Variants in PRKN observed in about 807,000 individuals in gnomAD.
PRKN encodes E3 ubiquitin-protein ligase parkin.
A neutral mutation model predicts 59.5 loss-of-function variants in PRKN; 56 were observed. The observed-to-expected ratio is 0.94, with a 90% CI of 0.76 to 1.18. The LOEUF (loss-of-function observed/expected upper bound fraction) is 1.18. Ranked by LOEUF, PRKN falls within the 50% of genes most tolerant of loss-of-function variation. The pLI is 0.00. For synonymous variants in PRKN, 250 were observed against 222.1 expected, an observed-to-expected ratio of 1.13 and a Z score of -1.12; for missense variants, 657 against 596.4, an observed-to-expected ratio of 1.10 and a Z score of -1.06.
At position 161,361,673 on chromosome 6, in the gene PRKN, C is replaced by T. The variant is rs1784980670; in HGVS notation, c.1168-1468G>A. 6.6e-6 allele frequency among the ~76,000 whole-genome samples: 1 copy of T among 152,206 alleles called. No individual in the cohort carries two copies. Among genetic ancestry groups the T allele is most frequent in the Admixed American group, 6.5e-5 (1 of 15,278 alleles). ...TCACTGGGTGAAGCCAATTTCGTTT[C>T]TGTTAATGAGCCATCATGGGCACAA... is the stretch of plus-strand genomic sequence containing the variant. On this transcript the variant is annotated intron_variant, in intron 10 of 11. Coordinates refer to ENST00000366898, the MANE Select transcript of PRKN (RefSeq NM_004562.3). This position sits in a 1 kb window ranked among gnomAD's most constrained non-coding sequence, Gnocchi z 5.2.
At chr6:162,441,544 CTTATA>C (rs1562767205) in intron 2 of PRKN, among the ~76,000 whole-genome samples, 2 of 152,138 alleles carry the variant, frequency 1.3e-5, no homozygotes, top group African/African-American at 2.4e-5. Flanking sequence ...GTTTCATATT[CTTATA>C]TTATAGCTAT....
chr6:162,354,411 G>A (rs567460609), intron 2 of PRKN, among the ~76,000 whole-genome samples: 7 of 152,110 alleles, frequency 4.6e-5, no homozygotes, highest in African/African-American at 1.4e-4. Flanking sequence ...GTACTTATCA[G>A]GAACAATGGG....
At chr6:161,426,818 A>C (rs925045626) in intron 9 of PRKN, among the ~76,000 whole-genome samples, 3 of 151,988 alleles carry the variant, frequency 2.0e-5, no homozygotes, top group Admixed American at 6.6e-5. Flanking sequence ...TCCCAGGTTC[A>C]TGCCATTCTC....
Position 162,356,000 on chromosome 6 carries a change from T to TC in PRKN, c.171+87309_171+87310insG, listed in dbSNP as rs541869438. On this transcript the variant is annotated intron_variant, in intron 2 of 11. Coordinates refer to ENST00000366898, the MANE Select transcript of PRKN (RefSeq NM_004562.3). ...TCTATAGGTTGATACAGGGAGTACT[T>TC]ATACAGGAGTCTTGTTGGTCCTCCA... is the stretch of plus-strand genomic sequence containing the variant. 2.8e-4 allele frequency among the ~76,000 whole-genome samples: 43 copies of TC among 152,276 alleles called. No individual in the cohort carries two copies. The South Asian group carries it at 8.5e-3, about 30-fold the overall frequency.
intron 1 of PRKN, among the ~76,000 whole-genome samples, chr6:162,652,604 T>C (rs1054836139): frequency 2.0e-5 from 3 of 152,088 alleles, no homozygotes; most frequent in African/African-American, 7.2e-5. Context: ...ATATTTTAGA[T>C]TGCTTATTAT....
chr6:162,081,392 A>C (rs933162273), intron 4 of PRKN, among the ~76,000 whole-genome samples: 2 of 152,130 alleles, frequency 1.3e-5, no homozygotes, highest in Non-Finnish European at 2.9e-5. Flanking sequence ...CATGGACTGC[A>C]GAATTTAGGT....
chr6:161,679,899 C>T (rs529333593), intron 7 of PRKN, among the ~76,000 whole-genome samples: 3 of 151,860 alleles, frequency 2.0e-5, no homozygotes, highest in East Asian at 2.0e-4. Flanking sequence ...GGACTACAGG[C>T]GCCTGCCACC....
At chr6:162,260,219 C>T (rs1779829345) in intron 3 of PRKN, among the ~76,000 whole-genome samples, 1 of 152,060 alleles carries the variant, frequency 6.6e-6, no homozygotes, top group African/African-American at 2.4e-5. Context: ...ACAAGGCTGG[C>T]AGGCCACAAG....
chr6:162,516,376 A>G (rs974340667), intron 1 of PRKN, among the ~76,000 whole-genome samples: 1 of 152,124 alleles, frequency 6.6e-6, no homozygotes. Context: ...AGTCCCACCC[A>G]CTTCCACTGG....
chr6:161,633,830 ATGCAGG>A (rs1783405982), intron 7 of PRKN, among the ~76,000 whole-genome samples: 1 of 152,126 alleles, frequency 6.6e-6, no homozygotes, highest in Non-Finnish European at 1.5e-5. Context: ...AGGGGACAAG[ATGCAGG>A]TGCCAGGCAG....
intron 5 of PRKN, among the ~76,000 whole-genome samples, chr6:162,025,621 C>G (rs1264230594): frequency 9.4e-6 from 1 of 106,884 alleles, no homozygotes; most frequent in African/African-American, 3.8e-5. Flanking sequence ...GACGGAGTCA[C>G]TCTGTTGCCC....
intron 4 of PRKN, among the ~76,000 whole-genome samples, chr6:162,145,010 T>C (rs970547286): frequency 6.6e-6 from 1 of 152,214 alleles, no homozygotes; most frequent in Non-Finnish European, 1.5e-5. Context: ...TGGTCATTTC[T>C]TTTTAATCAC....
Position 161,488,606 on chromosome 6 carries a change from C to G in PRKN, c.1083+60248G>C, listed in dbSNP as rs141813845. ...GCTCAAGTGATCTTCCTGCCTCAGC[C>G]TCCTGAGTAGGTGGGACTAAAGGCA... On this transcript the variant is annotated intron_variant, in intron 9 of 11. Coordinates refer to ENST00000366898, the MANE Select transcript of PRKN (RefSeq NM_004562.3). The surrounding 1 kb of genome is among the most constrained non-coding windows in gnomAD (Gnocchi z 4.5). Among the ~76,000 whole-genome samples the G allele has an allele frequency of 6.5e-3, 987 of 152,186 alleles. 11 individuals carry two copies. Among genetic ancestry groups the G allele is most frequent in the African/African-American group, 0.023 (955 of 41,514 alleles).
chr6:162,658,798 C>T (rs1164131934), intron 1 of PRKN, among the ~76,000 whole-genome samples: 2 of 151,382 alleles, frequency 1.3e-5, no homozygotes, highest in African/African-American at 4.9e-5. Context: ...CTTACAATGC[C>T]AATATCATAT....
At chr6:162,505,063 CA>C (rs1167283963) in intron 1 of PRKN, among the ~76,000 whole-genome samples, 1 of 152,124 alleles carries the variant, frequency 6.6e-6, no homozygotes, top group Non-Finnish European at 1.5e-5. Context: ...AAATGCAGAG[CA>C]ATGAGCACTT....
At chr6:162,059,752 T>G (rs957930042) in intron 4 of PRKN, among the ~76,000 whole-genome samples, 1 of 152,174 alleles carries the variant, frequency 6.6e-6, no homozygotes, top group East Asian at 1.9e-4. Context: ...GTTCTCTTTT[T>G]TTTTGCCTAG....
At chr6:162,689,870 T>C (rs988768314) in intron 1 of PRKN, among the ~76,000 whole-genome samples, 1 of 152,104 alleles carries the variant, frequency 6.6e-6, no homozygotes, top group African/African-American at 2.4e-5. Flanking sequence ...TAAAGAAACT[T>C]CAAAAACAAA....
In PRKN at chr6:162,595,471, G is replaced by A. The variant is rs1272332130; in HGVS notation, c.7+132191C>T. On this transcript the variant is annotated intron_variant, in intron 1 of 11. Coordinates refer to ENST00000366898, the MANE Select transcript of PRKN (RefSeq NM_004562.3). The stretch of plus-strand genomic sequence containing the variant: ...GGTTTTCTCCATGTTGGCCAAGCTG[G>A]TCTTGAACCCTTGACCTCAGGTGAT... 2.6e-5 allele frequency among the ~76,000 whole-genome samples: 4 copies of A among 151,914 alleles called. 1 individual carries two copies. Among genetic ancestry groups the A allele is most frequent in the African/African-American group, 7.2e-5 (3 of 41,382 alleles).
At chr6:161,515,592 G>A (rs551770) in intron 9 of PRKN, among the ~76,000 whole-genome samples, 98,939 of 152,068 alleles carry the variant, frequency 0.65, 32,172 homozygotes, top group Middle Eastern at 0.72. Context: ...ACAGTATATC[G>A]TTATGCTACT....
Sources: allele counts gnomAD v4.1 joint callset (sites outside exome capture counted in the v4.1 genomes callset), GRCh38; gene constraint gnomAD v4.1.1; non-coding constraint Gnocchi (gnomAD v3.1); transcripts MANE v1.5; gene names NCBI Gene and HGNC (gene_info 2026-07-23, HGNC 2026-07-21).